PLD1: variants seen among roughly 807,000 people sequenced by gnomAD.
The protein encoded by PLD1 is choline phosphatase 1.
A neutral mutation model predicts 137.1 loss-of-function variants in PLD1; 112 were observed. That is an observed-to-expected ratio of 0.82 (90% confidence interval 0.70 to 0.96). The LOEUF (loss-of-function observed/expected upper bound fraction) is 0.96, where lower values mean the gene tolerates loss of function less well. PLD1 is among the 40% of genes least tolerant of loss of function. PLD1 has a pLI of 0.00. For synonymous variants in PLD1, 431 were observed against 454.7 expected, an observed-to-expected ratio of 0.95 and a Z score of 0.66; for missense variants, 1,321 against 1,342.0, an observed-to-expected ratio of 0.98 and a Z score of 0.24.
chr3:171,712,313 C>T (rs569210895), intron 9 of PLD1, among the ~76,000 whole-genome samples: 2 of 152,190 alleles, frequency 1.3e-5, no homozygotes, highest in African/African-American at 4.8e-5. Context: ...GGGATGGAGA[C>T]GAGAGGGCAC....
chr3:171,791,592 CACA>C (rs1481073461), intron 1 of PLD1, among the ~76,000 whole-genome samples: 1 of 152,128 alleles, frequency 6.6e-6, no homozygotes, highest in East Asian at 1.9e-4. Context: ...ATATGGAAAA[CACA>C]ACAAGAAACA....
At position 171,605,375 on chromosome 3, in the gene PLD1, T is replaced by G. The variant is rs1297818796; in HGVS notation, c.2924A>C (p.Gln975Pro). Residue 975 changes from glutamine to proline, a missense_variant, in exon 26 of 27, where the codon CAG (glutamine) becomes CCG (proline). By Grantham distance (76) the Gln-to-Pro change is moderately conservative. Transcript: ENST00000351298. ...GYLDDPSEDI[Q>P]DPVSDKFFKE... ...GAAGAATTTGTCACTCACTGGATCC[T>G]GAATGTCCTCACTTGGGTCATCAAG... is the stretch of plus-strand genomic sequence containing the variant. 6.2e-7 allele frequency: 1 copy of G among 1,613,546 alleles called. No individual in the cohort carries two copies. The highest frequency in any genetic ancestry group is 1.7e-4 in the Middle Eastern group (1 of 6,060).
In PLD1 at chr3:171,725,817, C is replaced by G. The variant is rs4131284; in HGVS notation, c.665+201G>C. Among the ~76,000 whole-genome samples, 55,874 of 152,148 alleles carry G rather than the reference C, an allele frequency of 0.37. 11,520 individuals carry two copies. Among genetic ancestry groups the G allele is most frequent in the African/African-American group, 0.54 (22,333 of 41,500 alleles). ...CTGTGCTGTAAGCACGTGACAAAGA[C>G]AGTGGAGCAGTTGCTACCGTTGTTT... On this transcript the variant is annotated intron_variant, in intron 7 of 26. Coordinates refer to ENST00000351298, the MANE Select transcript of PLD1 (RefSeq NM_002662.5).
intron 25 of PLD1, among the ~76,000 whole-genome samples, chr3:171,607,141 G>C (rs1054813635): frequency 6.6e-6 from 1 of 152,090 alleles, no homozygotes; most frequent in Non-Finnish European, 1.5e-5. Flanking sequence ...TAACCTCAAA[G>C]TTCTGTTTCC....
chr3:171,805,860 G>T (rs181137216), intron 1 of PLD1, among the ~76,000 whole-genome samples: 2 of 152,230 alleles, frequency 1.3e-5, no homozygotes, highest in African/African-American at 4.8e-5. Context: ...ATCTCACTAT[G>T]CCTCAAACTG....
chr3:171,618,720 A>G (rs1499849), intron 24 of PLD1, among the ~76,000 whole-genome samples: 28,528 of 140,940 alleles, frequency 0.2, 3,388 homozygotes, highest in Admixed American at 0.31. Context: ...AAAAGTGTGT[A>G]TGTGTGTGTG....
chr3:171,610,605 G>T (rs539679228), intron 25 of PLD1, among the ~76,000 whole-genome samples: 2 of 152,174 alleles, frequency 1.3e-5, no homozygotes, highest in African/African-American at 4.8e-5. Context: ...TGACTTTAAA[G>T]AGAATTCTTA....
At chr3:171,644,260 C>A (rs1017868681) in intron 22 of PLD1, among the ~76,000 whole-genome samples, 2 of 152,208 alleles carry the variant, frequency 1.3e-5, no homozygotes, top group Non-Finnish European at 2.9e-5. Context: ...GGCTTTCTAG[C>A]CTGTGCTCCC....
At chr3:171,628,851 G>C (rs920345700) in intron 23 of PLD1, among the ~76,000 whole-genome samples, 1 of 152,092 alleles carries the variant, frequency 6.6e-6, no homozygotes, top group African/African-American at 2.4e-5. Context: ...AGGTATTGAT[G>C]GGACATATCT....
chr3:171,760,411 C>T (rs2108306203), intron 1 of PLD1, among the ~76,000 whole-genome samples: 1 of 152,266 alleles, frequency 6.6e-6, no homozygotes, highest in South Asian at 2.1e-4. Context: ...TGCAAGACAT[C>T]CCTCCTTCAA....
intron 1 of PLD1, among the ~76,000 whole-genome samples, chr3:171,801,214 CA>C (rs774428932): frequency 4.6e-5 from 7 of 152,164 alleles, no homozygotes; most frequent in South Asian, 4.1e-4. Flanking sequence ...GTGTTAGCAC[CA>C]AAAAGACTCT....
intron 14 of PLD1, among the ~76,000 whole-genome samples, chr3:171,687,862 C>T (rs774713549): frequency 6.6e-6 from 1 of 152,190 alleles, no homozygotes; most frequent in Non-Finnish European, 1.5e-5. Flanking sequence ...AATACAATTA[C>T]ATGGGTTACA....
chr3:171,803,327 G>A (rs1723717744), intron 1 of PLD1, among the ~76,000 whole-genome samples: 1 of 152,180 alleles, frequency 6.6e-6, no homozygotes, highest in Admixed American at 6.5e-5. Flanking sequence ...GAAAAGTGCA[G>A]GAGAAATCTC....
At chr3:171,726,336 GGAGA>G (rs140543382) in intron 6 of PLD1, among the ~76,000 whole-genome samples, 48 of 150,730 alleles carry the variant, frequency 3.2e-4, no homozygotes, top group East Asian at 1.9e-3. Flanking sequence ...CAAGAAGCTT[GGAGA>G]GAGAGAGAGA....
chr3:171,723,122 C>T (rs1053901510), intron 8 of PLD1, among the ~76,000 whole-genome samples: 4 of 152,082 alleles, frequency 2.6e-5, no homozygotes, highest in Admixed American at 2.6e-4. Flanking sequence ...TATCCATTAA[C>T]CATCCCCACT....
chr3:171,688,997 C>T (rs757771031), intron 13 of PLD1, 121 bp from the exon 14 acceptor site: 59 of 665,600 alleles, frequency 8.9e-5, no homozygotes, highest in South Asian at 6.2e-4. Flanking sequence ...AACTGTACAA[C>T]GTATACACCA....
At chr3:171,768,511 T>G (rs1267350675) in intron 1 of PLD1, among the ~76,000 whole-genome samples, 2 of 152,222 alleles carry the variant, frequency 1.3e-5, no homozygotes, top group South Asian at 2.1e-4. Flanking sequence ...CAAGGAGTGA[T>G]CTGGGCTGTG....
intron 1 of PLD1, among the ~76,000 whole-genome samples, chr3:171,779,767 T>C (rs1214733773): frequency 6.6e-6 from 1 of 151,702 alleles, no homozygotes; most frequent in African/African-American, 2.4e-5. Flanking sequence ...GATATGTAAG[T>C]CTGGAGATTC....
Position 171,737,993 on chromosome 3 carries a change from T to G in PLD1, c.59A>C (p.Asp20Ala), listed in dbSNP as rs1305556772. Residue 20 changes from aspartate to alanine, a missense_variant, in exon 2 of 27, where the codon GAC (aspartate) becomes GCC (alanine). Transcript: ENST00000351298. ...NTSALQKIAA[D>A]MSNIIENLDT... ...CAGATTTTCTATGATATTACTCATGTCAGCAGCAATTTTCTGCAGTGCAGA... is the reference window on the plus strand; with the variant it reads ...CAGATTTTCTATGATATTACTCATGGCAGCAGCAATTTTCTGCAGTGCAGA... 1.2e-6 allele frequency: 2 copies of G among 1,614,004 alleles called. No homozygotes were observed. Among genetic ancestry groups the G allele is most frequent in the South Asian group, 2.2e-5 (2 of 91,078 alleles).
Sources: gnomAD v4.1 joint callset for allele counts (sites outside exome capture counted in the v4.1 genomes callset) on GRCh38, gnomAD v4.1.1 for gene constraint, MANE v1.5 for transcripts, NCBI Gene and HGNC (gene_info 2026-07-23, HGNC 2026-07-21) for gene names.